ZDHHC13: variants seen among roughly 807,000 people sequenced by gnomAD.
ZDHHC13 encodes zDHHC palmitoyltransferase 13.
Under a neutral mutation model 86.0 loss-of-function variants are expected in ZDHHC13, and 85 were observed. The ratio of observed to expected loss-of-function variants is 0.99; its 90% CI spans 0.83 to 1.18. The LOEUF (loss-of-function observed/expected upper bound fraction) is 1.18, where lower values mean the gene tolerates loss of function less well. Ranked by LOEUF, ZDHHC13 falls within the 50% of genes most tolerant of loss-of-function variation. The pLI is 0.00. For missense variants in ZDHHC13, 711 were observed against 730.2 expected, an observed-to-expected ratio of 0.97 and a Z score of 0.30; for synonymous variants, 263 against 246.4, an observed-to-expected ratio of 1.07 and a Z score of -0.63.
chr11:19,147,341 T>A (rs984653592), intron 3 of ZDHHC13, among the ~76,000 whole-genome samples: 6 of 152,124 alleles, frequency 3.9e-5, no homozygotes, highest in Non-Finnish European at 7.4e-5. Context: ...TTATGATGTA[T>A]TTGATATGTA....
Position 19,175,927 on chromosome 11 carries a change from C to T in ZDHHC13, c.1836C>T (p.His612=), listed in dbSNP as rs778380843. 6.2e-6 allele frequency: 10 copies of T among 1,611,538 alleles called. No individual in the cohort carries two copies. Among genetic ancestry groups the T allele is most frequent in the Middle Eastern group, 1.6e-4 (1 of 6,062 alleles). Residue 612 remains histidine, a synonymous_variant, in exon 17 of 17, where the codon CAC becomes CAT. Coordinates refer to ENST00000446113, the MANE Select transcript of ZDHHC13 (RefSeq NM_019028.3). ...DWTSQYTMVF[H]PAREKVLRSV ...CATCACAGTACACCATGGTCTTTCA[C>T]CCAGCCAGGGAGAAGGTTCTTCGCT...
intron 6 of ZDHHC13, among the ~76,000 whole-genome samples, chr11:19,151,179 A>G (rs1163668512): frequency 6.6e-6 from 1 of 152,088 alleles, no homozygotes; most frequent in African/African-American, 2.4e-5. Context: ...TCTGGAAAAT[A>G]TTAAATTTTG....
intron 1 of ZDHHC13, among the ~76,000 whole-genome samples, chr11:19,118,373 G>T (rs1449491352): frequency 1.3e-5 from 2 of 152,166 alleles, no homozygotes; most frequent in Admixed American, 6.5e-5. Context: ...AAATGTCAAG[G>T]TGTTCTTATT....
chr11:19,172,690 G>A (rs752729738), intron 15 of ZDHHC13, 33 bp from the exon 16 acceptor site: 3 of 1,509,972 alleles, frequency 2.0e-6, no homozygotes, highest in South Asian at 2.5e-5. Context: ...GTTGCACACT[G>A]AATGTGTGCA....
At chr11:19,155,977 A>G in intron 9 of ZDHHC13, 48 bp downstream of exon 9, 1 of 1,544,620 alleles carries the variant, frequency 6.5e-7, no homozygotes, top group South Asian at 1.2e-5. Flanking sequence ...TTCTGATTTT[A>G]TTTCTTATTT....
At chr11:19,135,625 C>G (rs1438800721) in intron 1 of ZDHHC13, among the ~76,000 whole-genome samples, 2 of 152,242 alleles carry the variant, frequency 1.3e-5, no homozygotes, top group Admixed American at 6.5e-5. Flanking sequence ...GGGCAGGGCA[C>G]AGACAAACAA....
intron 1 of ZDHHC13, among the ~76,000 whole-genome samples, chr11:19,128,079 G>A (rs1848915235): frequency 1.3e-5 from 2 of 151,924 alleles, no homozygotes; most frequent in African/African-American, 2.4e-5. Context: ...CTTCCTATCC[G>A]GGAGCATGGG....
intron 1 of ZDHHC13, among the ~76,000 whole-genome samples, chr11:19,142,756 A>G (rs1283616823): frequency 6.6e-6 from 1 of 151,002 alleles, no homozygotes; most frequent in South Asian, 2.1e-4. Context: ...TTTTTTTGAG[A>G]CAGAGTCTCA....
intron 1 of ZDHHC13, among the ~76,000 whole-genome samples, chr11:19,134,429 T>G (rs542069005): frequency 1.3e-5 from 2 of 152,238 alleles, no homozygotes; most frequent in Admixed American, 6.5e-5. Context: ...GCAGCACCAT[T>G]CACAATAGCA....
chr11:19,134,908 G>A (rs1425473583), intron 1 of ZDHHC13, among the ~76,000 whole-genome samples: 3 of 152,092 alleles, frequency 2.0e-5, no homozygotes, highest in Admixed American at 6.5e-5. Flanking sequence ...GGCATGCGCC[G>A]GTAGTCTCAG....
chr11:19,150,780 C>A lies in ZDHHC13; in HGVS notation c.573C>A (p.His191Gln). 1 of 1,610,302 alleles carries A rather than the reference C, an allele frequency of 6.2e-7. No homozygotes were observed. Among genetic ancestry groups the A allele is most frequent in the Non-Finnish European group, 8.5e-7 (1 of 1,177,336 alleles). Reference protein sequence around the residue: ...NGQTPLMLSAHKVIGPEPTGF... With the variant: ...NGQTPLMLSAQKVIGPEPTGF... Reference sequence around the variant, plus strand: ...AGACACCTCTCATGTTATCAGCTCACAAAGTAATTGGGTGAGTTTAATTTA... The same window carrying A: ...AGACACCTCTCATGTTATCAGCTCAAAAAGTAATTGGGTGAGTTTAATTTA... Residue 191 changes from histidine to glutamine, a missense_variant, in exon 6 of 17, where the codon CAC (histidine) becomes CAA (glutamine). Coordinates refer to ENST00000446113, the MANE Select transcript of ZDHHC13 (RefSeq NM_019028.3).
chr11:19,121,199 C>G (rs560424363), intron 1 of ZDHHC13, among the ~76,000 whole-genome samples: 1 of 152,132 alleles, frequency 6.6e-6, no homozygotes, highest in Non-Finnish European at 1.5e-5. Flanking sequence ...TAGCAGAGCC[C>G]AGGTGTCAGG....
rs181729326 is a variant in ZDHHC13 at position 19,165,966 on chromosome 11, G to T, written c.1391-336G>T. 9.2e-5 allele frequency among the ~76,000 whole-genome samples: 14 copies of T among 152,282 alleles called. No homozygotes were observed. The East Asian group carries it at 2.7e-3, about 29-fold the overall frequency. ...TTGCATGGAAGGAAGAAAGAGACAG[G>T]GTATGATTTGTCCAAATTCCTGCCT... On this transcript the variant is annotated intron_variant, in intron 13 of 16. Coordinates refer to ENST00000446113, the MANE Select transcript of ZDHHC13 (RefSeq NM_019028.3).
intron 7 of ZDHHC13, 40 bp from the exon 8 acceptor site, chr11:19,152,519 T>C: frequency 1.3e-6 from 2 of 1,529,024 alleles, no homozygotes; most frequent in Non-Finnish European, 1.8e-6. Flanking sequence ...CATAATATAT[T>C]AAAAATACTT....
intron 11 of ZDHHC13, 109 bp from the exon 12 acceptor site, chr11:19,164,192 C>T: frequency 2.7e-6 from 3 of 1,109,604 alleles, no homozygotes; most frequent in Non-Finnish European, 3.8e-6. Flanking sequence ...TTCCAAATTG[C>T]TTTTCTAACT....
At chr11:19,120,293 A>T (rs186744565) in intron 1 of ZDHHC13, among the ~76,000 whole-genome samples, 3 of 152,284 alleles carry the variant, frequency 2.0e-5, no homozygotes, top group Admixed American at 6.5e-5. Context: ...AGCTGCAAAG[A>T]CTCATAAGCT....
chr11:19,143,581 A>G (rs1020409629), intron 2 of ZDHHC13, among the ~76,000 whole-genome samples: 4 of 152,216 alleles, frequency 2.6e-5, no homozygotes, highest in African/African-American at 9.6e-5. Flanking sequence ...TTATTTCTTG[A>G]GTACTTTCCA....
In ZDHHC13 at chr11:19,139,168, T is replaced by G. The variant is rs949843393; in HGVS notation, c.28-3810T>G. On this transcript the variant is annotated intron_variant, in intron 1 of 16. Transcript: ENST00000446113. ...ATGATTGTATATCTAGAAAACCCCA[T>G]TGTCTCAGCCCAAAATCTCCTTAAG... 3.4e-3 allele frequency among the ~76,000 whole-genome samples: 518 copies of G among 151,844 alleles called. 2 individuals carry two copies. The highest frequency in any genetic ancestry group is 0.012 in the African/African-American group (480 of 41,476).
intron 8 of ZDHHC13, 122 bp from the exon 9 acceptor site, chr11:19,155,674 G>A (rs536190317): frequency 1.9e-6 from 2 of 1,029,866 alleles, no homozygotes; most frequent in African/African-American, 1.7e-5. Context: ...AAAACTTTGT[G>A]TTAGCTTTGT....
Sources: allele counts gnomAD v4.1 joint callset (sites outside exome capture counted in the v4.1 genomes callset), GRCh38; gene constraint gnomAD v4.1.1; transcripts MANE v1.5; gene names NCBI Gene and HGNC (gene_info 2026-07-23, HGNC 2026-07-21).